Variants in ULK4 observed in about 807,000 individuals in gnomAD.
The protein encoded by ULK4 is inactive serine/threonine-protein kinase ULK4.
ULK4 carries 133 observed loss-of-function variants against 160.6 expected under a neutral mutation model. The observed-to-expected ratio is 0.83, with a 90% CI of 0.72 to 0.96. The LOEUF is 0.96. ULK4 is among the 40% of genes least tolerant of loss of function. ULK4 has a pLI of 0.00. For synonymous variants in ULK4, 534 were observed against 539.8 expected (o/e 0.99, Z 0.15); for missense variants, 1,580 against 1,499.5 (o/e 1.05, Z -0.89).
intron 1 of ULK4, among the ~76,000 whole-genome samples, chr3:41,959,209 C>T (rs906800323): frequency 6.6e-6 from 1 of 151,934 alleles, no homozygotes; most frequent in Non-Finnish European, 1.5e-5. Context: ...ACTAAAAATA[C>T]AAAAAATTAG....
intron 35 of ULK4, among the ~76,000 whole-genome samples, chr3:41,359,889 C>T (rs1353327021): frequency 6.6e-6 from 1 of 151,934 alleles, no homozygotes; most frequent in Non-Finnish European, 1.5e-5. Context: ...GATGAAAATG[C>T]CAAAAGCAAT....
chr3:41,569,190 T>C (rs1349511183), intron 31 of ULK4, among the ~76,000 whole-genome samples: 1 of 152,170 alleles, frequency 6.6e-6, no homozygotes. Context: ...GGGGTTTTTA[T>C]GGAAGTTTTG....
chr3:41,362,992 C>T (rs1446794441), intron 35 of ULK4, among the ~76,000 whole-genome samples: 2 of 152,346 alleles, frequency 1.3e-5, no homozygotes, highest in East Asian at 1.9e-4. Flanking sequence ...GCTGAGGCCT[C>T]GCCAGCAGGC....
intron 27 of ULK4, among the ~76,000 whole-genome samples, chr3:41,692,932 A>G (rs1355929010): frequency 1.3e-5 from 2 of 152,314 alleles, no homozygotes; most frequent in South Asian, 2.1e-4. Flanking sequence ...ATGATTCTCA[A>G]TGGTATGTCC....
chr3:41,828,909 C>T lies in ULK4; in HGVS notation c.1764+6955G>A, dbSNP rs1163907958. On this transcript the variant is annotated intron_variant, in intron 18 of 36. Transcript: ENST00000301831. ...GACTTCAAACTATACTACAAGGCTA[C>T]GGTAACCAAAACAGCATGGTACTGG... Among the ~76,000 whole-genome samples, 6 of 151,842 alleles carry T rather than the reference C, an allele frequency of 4.0e-5. No homozygotes were observed. The South Asian group carries it at 1.0e-3, about 26-fold the overall frequency.
At chr3:41,437,642 G>A (rs905397877) in intron 34 of ULK4, among the ~76,000 whole-genome samples, 4 of 152,102 alleles carry the variant, frequency 2.6e-5, no homozygotes, top group Non-Finnish European at 4.4e-5. Context: ...TCCACCTCAT[G>A]AACACTAAAC....
chr3:41,931,877 C>A lies in ULK4; in HGVS notation c.508G>T (p.Val170Phe). 6.2e-7 allele frequency: 1 copy of A among 1,614,134 alleles called. No homozygotes were observed. The highest frequency in any genetic ancestry group is 8.5e-7 in the Non-Finnish European group (1 of 1,180,008). ...EEGGGDNGEN[V>F]LKKSMKSRVK... ...CTACTTTTCATGCTTTTCTTCAGGA[C>A]ATTTTCCCCATTATCACCTCCTCCT... The change falls in exon 5 of 37, where the codon GTC becomes TTC. Residue 170 changes from valine to phenylalanine, a missense_variant. Val to Phe is a conservative substitution (Grantham distance 50, BLOSUM62 -1). Coordinates refer to ENST00000301831, the MANE Select transcript of ULK4 (RefSeq NM_017886.4).
intron 30 of ULK4, among the ~76,000 whole-genome samples, chr3:41,628,367 A>G (rs980214966): frequency 6.6e-6 from 1 of 152,214 alleles, no homozygotes; most frequent in South Asian, 2.1e-4. Flanking sequence ...AACACCACAA[A>G]GGGAGCAAGT....
chr3:41,617,306 C>A (rs2033024589), intron 30 of ULK4, among the ~76,000 whole-genome samples: 1 of 152,248 alleles, frequency 6.6e-6, no homozygotes, highest in African/African-American at 2.4e-5. Flanking sequence ...GGGTCCCTGA[C>A]CCCAAGCCTC....
chr3:41,363,320 C>CAT (rs2125774467), intron 35 of ULK4, among the ~76,000 whole-genome samples: 1 of 152,336 alleles, frequency 6.6e-6, no homozygotes, highest in South Asian at 2.1e-4. Flanking sequence ...CACCTATCTT[C>CAT]ATGCATAAGT....
chr3:41,805,467 T>C (rs1353128899), intron 19 of ULK4, among the ~76,000 whole-genome samples: 6 of 152,048 alleles, frequency 3.9e-5, no homozygotes, highest in East Asian at 1.9e-4. Flanking sequence ...TAATTGAATA[T>C]CTTTTATTTC....
intron 21 of ULK4, among the ~76,000 whole-genome samples, chr3:41,776,903 C>T (rs1339491758): frequency 1.6e-5 from 1 of 62,562 alleles, no homozygotes; most frequent in Non-Finnish European, 3.0e-5. Context: ...TGTGTCTCTG[C>T]CAGGCTTTGG....
intron 5 of ULK4, among the ~76,000 whole-genome samples, chr3:41,931,503 TCAACTG>T (rs1372339668): frequency 6.7e-6 from 1 of 150,252 alleles, no homozygotes; most frequent in African/African-American, 2.4e-5. Flanking sequence ...GAAATATGTT[TCAACTG>T]CAGAATATCA....
intron 17 of ULK4, among the ~76,000 whole-genome samples, chr3:41,862,799 C>A (rs1320687656): frequency 6.9e-6 from 1 of 144,418 alleles, no homozygotes; most frequent in Admixed American, 6.8e-5. Context: ...TCCCCCCCCC[C>A]TTTCTCTCTC....
chr3:41,922,513 A>G (rs1037183400), intron 5 of ULK4, among the ~76,000 whole-genome samples: 2 of 151,990 alleles, frequency 1.3e-5, no homozygotes, highest in Non-Finnish European at 2.9e-5. Flanking sequence ...ACAAGAACCG[A>G]AAGAGTAAGG....
At chr3:41,530,396 G>A (rs912591601) in intron 32 of ULK4, among the ~76,000 whole-genome samples, 1 of 152,128 alleles carries the variant, frequency 6.6e-6, no homozygotes, top group Non-Finnish European at 1.5e-5. Context: ...GAGTTGCACT[G>A]GGCCCTTATG....
intron 19 of ULK4, among the ~76,000 whole-genome samples, chr3:41,811,704 A>G (rs1194051101): frequency 2.0e-5 from 3 of 152,202 alleles, no homozygotes; most frequent in Admixed American, 2.0e-4. Context: ...AGGTTAGAAC[A>G]CATTGGGTTA....
chr3:41,667,365 G>A (rs1258192962), intron 29 of ULK4, among the ~76,000 whole-genome samples: 1 of 152,042 alleles, frequency 6.6e-6, no homozygotes, highest in African/African-American at 2.4e-5. Flanking sequence ...ATTCATAATG[G>A]GCATGTTTAG....
intron 35 of ULK4, among the ~76,000 whole-genome samples, chr3:41,396,285 A>G (rs1380376924): frequency 6.6e-6 from 1 of 151,990 alleles, no homozygotes; most frequent in Non-Finnish European, 1.5e-5. Context: ...TGGGCATCAT[A>G]TAATATACGG....
Sources: allele counts gnomAD v4.1 joint callset (sites outside exome capture counted in the v4.1 genomes callset), GRCh38; gene constraint gnomAD v4.1.1; transcripts MANE v1.5; gene names NCBI Gene and HGNC (gene_info 2026-07-23, HGNC 2026-07-21).